The following WNT9B variants were observed in gnomAD, a reference collection of about 807,000 sequenced individuals.
The protein encoded by WNT9B is Wnt family member 9B.
In WNT9B, 12 loss-of-function variants were observed where a neutral mutation model predicts 30.2. That is an observed-to-expected ratio of 0.40 (90% CI 0.26 to 0.64). WNT9B has a LOEUF of 0.64. WNT9B is among the 30% of genes least tolerant of loss of function. The pLI is 0.42. For synonymous variants in WNT9B, 218 were observed against 216.9 expected (o/e 1.01, Z -0.05); for missense variants, 442 against 485.2 (o/e 0.91, Z 0.84).
At chr17:46,873,630 G>A (rs1469891757) in intron 2 of WNT9B, among the ~76,000 whole-genome samples, 6 of 152,044 alleles carry the variant, frequency 3.9e-5, no homozygotes, top group South Asian at 2.1e-4. Context: ...AGGCCGAAGC[G>A]GGTGGATCAC....
At chr17:46,859,987 A>G (rs2085007795) in intron 1 of WNT9B, among the ~76,000 whole-genome samples, 1 of 152,200 alleles carries the variant, frequency 6.6e-6, no homozygotes, top group Admixed American at 6.6e-5. Context: ...ATTTTTAGAA[A>G]TTGAATTGGG....
At chr17:46,868,354 G>A (rs1386677770) in intron 1 of WNT9B, among the ~76,000 whole-genome samples, 1 of 152,200 alleles carries the variant, frequency 6.6e-6, no homozygotes, top group Non-Finnish European at 1.5e-5. Context: ...CACTTTGGGA[G>A]GCCAAGGTGG....
intron 1 of WNT9B, among the ~76,000 whole-genome samples, chr17:46,836,105 T>TAC (rs2084628100): frequency 2.7e-5 from 4 of 150,170 alleles, no homozygotes; most frequent in African/African-American, 9.8e-5. Context: ...CGTGTGTGTG[T>TAC]GTGTGTGTGT....
chr17:46,874,044 A>T (rs2085301416), intron 2 of WNT9B, among the ~76,000 whole-genome samples: 1 of 151,128 alleles, frequency 6.6e-6, no homozygotes, highest in Admixed American at 6.6e-5. Flanking sequence ...GGCCCCTCCT[A>T]GGCCAGCTGC....
intron 1 of WNT9B, among the ~76,000 whole-genome samples, chr17:46,843,495 G>T (rs2084739566): frequency 6.6e-6 from 1 of 152,116 alleles, no homozygotes; most frequent in Admixed American, 6.5e-5. Flanking sequence ...AGTTGCCATT[G>T]TCTTAGCTAC....
At chr17:46,881,950 A>C (rs1302869583), downstream of WNT9B, among the ~76,000 whole-genome samples, 1 of 152,156 alleles carries the variant, frequency 6.6e-6, no homozygotes, top group South Asian at 2.1e-4. Context: ...TATCTACTAC[A>C]TAGTCCATAT....
At chr17:46,866,436 A>G (rs1052160757) in intron 1 of WNT9B, among the ~76,000 whole-genome samples, 2 of 151,920 alleles carry the variant, frequency 1.3e-5, no homozygotes, top group East Asian at 3.9e-4. Flanking sequence ...ATAGGTGTGT[A>G]TGAATGTGGA....
downstream of WNT9B, among the ~76,000 whole-genome samples, chr17:46,881,710 A>G (rs761601943): frequency 4.6e-5 from 7 of 152,148 alleles, no homozygotes; most frequent in Non-Finnish European, 8.8e-5. Context: ...GCTTGTTGAG[A>G]CAGTCACTAG....
At chr17:46,860,324 C>T (rs888155855) in intron 1 of WNT9B, among the ~76,000 whole-genome samples, 3 of 152,118 alleles carry the variant, frequency 2.0e-5, no homozygotes, top group African/African-American at 7.2e-5. Flanking sequence ...ATTATGTGCT[C>T]AGGTGGAAGT....
chr17:46,866,644 G>A (rs1322544021), intron 1 of WNT9B, among the ~76,000 whole-genome samples: 1 of 152,096 alleles, frequency 6.6e-6, no homozygotes, highest in African/African-American at 2.4e-5. Flanking sequence ...ACCCCGGGCA[G>A]CACAAGGCTT....
chr17:46,863,192 G>A lies in WNT9B; in HGVS notation c.78-9325G>A, dbSNP rs73987066. Among the ~76,000 whole-genome samples the A allele has an allele frequency of 3.3e-5, 5 of 152,234 alleles. No individual in the cohort carries two copies. In the South Asian group the frequency reaches 8.3e-4, roughly 25 times the overall value. ...CAGCCCCAGCTTGGGAAGGTTTGGC[G>A]GTGGGGCGTTAGGTGGTAGCCTCTG... On this transcript the variant is annotated intron_variant, in intron 1 of 3. Transcript: ENST00000290015.
chr17:46,872,805 TG>T, intron 2 of WNT9B, 32 bp downstream of exon 2: 1 of 1,089,666 alleles, frequency 9.2e-7, no homozygotes, highest in South Asian at 1.5e-5. Flanking sequence ...CGGGGAGGGC[TG>T]GGGGAAGAAG....
At position 46,877,514 on chromosome 17, in the gene WNT9B, C is replaced by G. The variant is rs1158174587; in HGVS notation, c.*796C>G. The stretch of plus-strand genomic sequence containing the variant: ...GAGAACTAGCCACCAAGGCGGGACT[C>G]AGTGCACCTGAGGTTGAACAGGGAG... On this transcript the variant is annotated 3_prime_UTR_variant, in exon 4 of 4. Coordinates refer to ENST00000290015, the MANE Select transcript of WNT9B (RefSeq NM_003396.3). 2.6e-5 allele frequency among the ~76,000 whole-genome samples: 4 copies of G among 152,222 alleles called. No homozygotes were observed. Among genetic ancestry groups the G allele is most frequent in the Non-Finnish European group, 5.9e-5 (4 of 68,048 alleles).
At chr17:46,861,550 A>C (rs2085037993) in intron 1 of WNT9B, among the ~76,000 whole-genome samples, 2 of 152,198 alleles carry the variant, frequency 1.3e-5, no homozygotes. Context: ...GGAACTGGAC[A>C]CAAAGCAGAG....
Position 46,872,651 on chromosome 17 carries a change from AGC to A in WNT9B, c.213_214del (p.Glu71AspfsTer5). On this transcript the variant is annotated frameshift_variant, in exon 2 of 4. Coordinates refer to ENST00000290015, the MANE Select transcript of WNT9B (RefSeq NM_003396.3). LOFTEE classifies it high-confidence loss of function. ...CGGCAGAAGCAGCTCTGCCGGAGGG[AGC>A]CCGGCCTGGCTGAGACCCTGAGGGA... 3 of 1,613,556 alleles carry A rather than the reference AGC, an allele frequency of 1.9e-6. No individual in the cohort carries two copies. Among genetic ancestry groups the A allele is most frequent in the Non-Finnish European group, 2.5e-6 (3 of 1,179,990 alleles).
chr17:46,882,670 G>C (rs745976000), downstream of WNT9B, among the ~76,000 whole-genome samples: 1 of 152,094 alleles, frequency 6.6e-6, no homozygotes, highest in African/African-American at 2.4e-5. Flanking sequence ...ATTTCTTTCC[G>C]ATTCTTGACT....
intron 1 of WNT9B, among the ~76,000 whole-genome samples, chr17:46,857,772 T>TGTA (rs2084963915): frequency 6.6e-6 from 1 of 152,240 alleles, no homozygotes; most frequent in Non-Finnish European, 1.5e-5. Context: ...TTCGTAAGTA[T>TGTA]GTAGTAGTAT....
chr17:46,839,363 C>A (rs997059614), intron 1 of WNT9B, among the ~76,000 whole-genome samples: 1 of 152,168 alleles, frequency 6.6e-6, no homozygotes, highest in African/African-American at 2.4e-5. Context: ...CACTCTTAGC[C>A]CCTGGCGGGT....
chr17:46,876,468 C>T lies in WNT9B; in HGVS notation c.824C>T (p.Ala275Val), dbSNP rs755897150. The T allele has an allele frequency of 1.4e-5, 23 of 1,613,572 alleles. No individual in the cohort carries two copies. In the African/African-American group the frequency reaches 2.7e-4, roughly 19 times the overall value. Residue 275 changes from alanine (A) to valine (V), a missense_variant, in exon 4 of 4, where the codon GCC becomes GTC. Physicochemically the swap from Ala to Val is moderately conservative, Grantham distance 64. Transcript: ENST00000290015. ...ARQGSLTKGL[A>V]PRSGDLVYME... ...CAGGGCAGCCTCACCAAAGGCCTGG[C>T]CCCAAGGTCTGGGGACCTGGTGTAC...
Sources: allele counts gnomAD v4.1 joint callset (sites outside exome capture counted in the v4.1 genomes callset), GRCh38; gene constraint gnomAD v4.1.1; transcripts MANE v1.5; gene names NCBI Gene and HGNC (gene_info 2026-07-23, HGNC 2026-07-21).